RPS6KA2: variants seen among roughly 807,000 people sequenced by gnomAD.
The protein encoded by RPS6KA2 is ribosomal protein S6 kinase A2, also known as ribosomal protein S6 kinase alpha-2.
A neutral mutation model predicts 91.8 loss-of-function variants in RPS6KA2; 42 were observed. The observed-to-expected ratio is 0.46, with a 90% CI of 0.36 to 0.59. The LOEUF (loss-of-function observed/expected upper bound fraction) is 0.59, where lower values mean the gene tolerates loss of function less well. Among genes scored for constraint, RPS6KA2 ranks in the 20% least tolerant of loss-of-function variants. The pLI is 0.00. For synonymous variants in RPS6KA2, 414 were observed against 393.6 expected (o/e 1.05, Z -0.61); for missense variants, 798 against 978.5 (o/e 0.82, Z 2.46).
At chr6:166,748,279 C>T (rs927014112) in intron 2 of RPS6KA2, among the ~76,000 whole-genome samples, 1 of 152,110 alleles carries the variant, frequency 6.6e-6, no homozygotes, top group African/African-American at 2.4e-5. Context: ...GCTTCCGGCT[C>T]CATGCTCCCA....
intron 1 of RPS6KA2, among the ~76,000 whole-genome samples, chr6:166,611,391 C>T (rs535665450): frequency 6.6e-6 from 1 of 152,240 alleles, no homozygotes; most frequent in Non-Finnish European, 1.5e-5. Flanking sequence ...TGTTCCATCT[C>T]AGTCACCCAC....
At chr6:166,623,356 C>T (rs1336588989) in intron 1 of RPS6KA2, among the ~76,000 whole-genome samples, 5 of 152,168 alleles carry the variant, frequency 3.3e-5, no homozygotes, top group South Asian at 4.1e-4. Context: ...GCTCTACTGG[C>T]GTGTGGAAAG....
chr6:166,534,712 T>C (rs1340141508), intron 2 of RPS6KA2, among the ~76,000 whole-genome samples: 3 of 152,238 alleles, frequency 2.0e-5, no homozygotes, highest in African/African-American at 4.8e-5. Context: ...CTAATGTTCA[T>C]ACTTATCTGT....
intron 1 of RPS6KA2, among the ~76,000 whole-genome samples, chr6:166,550,990 ATC>A (rs1414874656): frequency 6.9e-5 from 8 of 116,124 alleles, no homozygotes; most frequent in Middle Eastern, 3.8e-3. Context: ...GCCGGACTCT[ATC>A]TCAAAAAAAA....
At chr6:166,674,817 T>C (rs1445994306) in intron 2 of RPS6KA2, among the ~76,000 whole-genome samples, 1 of 152,130 alleles carries the variant, frequency 6.6e-6, no homozygotes, top group Non-Finnish European at 1.5e-5. Context: ...TACAGGCCCC[T>C]GCCACCACGC....
upstream of RPS6KA2, among the ~76,000 whole-genome samples, chr6:166,628,481 GTTGCGTTAATAC>G (rs1413157693): frequency 1.3e-5 from 2 of 152,258 alleles, no homozygotes; most frequent in African/African-American, 4.8e-5. Context: ...CTAGTCAGAT[GTTGCGTTAATAC>G]TTGTGTAGTC....
intron 10 of RPS6KA2, among the ~76,000 whole-genome samples, chr6:166,473,829 A>G (rs1780859774): frequency 1.3e-5 from 2 of 151,944 alleles, no homozygotes; most frequent in African/African-American, 2.4e-5. Flanking sequence ...CCAGCCCACC[A>G]TGTCCAGCCT....
chr6:166,588,339 G>C (rs1024054857), intron 1 of RPS6KA2, among the ~76,000 whole-genome samples: 5 of 151,650 alleles, frequency 3.3e-5, no homozygotes, highest in African/African-American at 1.2e-4. Context: ...TTCCAGGTGG[G>C]GCCAGCGAGT....
intron 1 of RPS6KA2, among the ~76,000 whole-genome samples, chr6:166,615,384 G>A (rs1031097059): frequency 7.2e-5 from 11 of 152,328 alleles, no homozygotes; most frequent in South Asian, 2.1e-4. Flanking sequence ...AAAAGGAAAC[G>A]TAGAGGAAGA....
At chr6:166,558,182 C>T (rs1325860094) in intron 1 of RPS6KA2, among the ~76,000 whole-genome samples, 3 of 151,546 alleles carry the variant, frequency 2.0e-5, no homozygotes, top group Non-Finnish European at 2.9e-5. Context: ...ATGAATCAGC[C>T]CCCACACATA....
chr6:166,665,696 G>A lies in RPS6KA2; in HGVS notation c.124-126912C>T, dbSNP rs574784589. ...GAAGGTCTCCCAGCAAGCTGCAGGC[G>A]GCCCTGACCAAGCTTAGGTCCCATG... On this transcript the variant is annotated intron_variant, in intron 2 of 21. Coordinates refer to the RPS6KA2 transcript ENST00000503859. The surrounding 1 kb of genome is among the most constrained non-coding windows in gnomAD (Gnocchi z 4.5). Among the ~76,000 whole-genome samples the A allele has an allele frequency of 6.9e-4, 105 of 152,288 alleles. No individual in the cohort carries two copies. The highest frequency in any genetic ancestry group is 4.2e-4 in the South Asian group (2 of 4,816).
intron 2 of RPS6KA2, among the ~76,000 whole-genome samples, chr6:166,824,280 G>T (rs745875934): frequency 5.3e-5 from 8 of 152,180 alleles, no homozygotes; most frequent in Non-Finnish European, 8.8e-5. Flanking sequence ...TAGAGATGTG[G>T]TATGGACCAA....
intron 1 of RPS6KA2, among the ~76,000 whole-genome samples, chr6:166,580,768 T>C (rs1369588644): frequency 4.0e-5 from 6 of 151,156 alleles, no homozygotes; most frequent in Non-Finnish European, 5.9e-5. Flanking sequence ...CCAGACCCGA[T>C]TGGACACGGA....
At chr6:166,625,335 C>G (rs1035950043) in intron 1 of RPS6KA2, among the ~76,000 whole-genome samples, 4 of 107,394 alleles carry the variant, frequency 3.7e-5, no homozygotes, top group East Asian at 3.5e-4. Context: ...CCCCCCACCC[C>G]CCCCCCCGCT....
intron 2 of RPS6KA2, among the ~76,000 whole-genome samples, chr6:166,643,386 T>C (rs1466526297): frequency 6.6e-6 from 1 of 152,086 alleles, no homozygotes; most frequent in East Asian, 1.9e-4. Flanking sequence ...ATAATGGAAA[T>C]AGATACATCA....
chr6:166,505,337 G>A (rs546204134), intron 5 of RPS6KA2, among the ~76,000 whole-genome samples: 4 of 152,254 alleles, frequency 2.6e-5, no homozygotes, highest in Admixed American at 1.3e-4. Flanking sequence ...CAGGCCAGCC[G>A]AAACATGCAT....
intron 1 of RPS6KA2, among the ~76,000 whole-genome samples, chr6:166,570,958 C>T (rs894754313): frequency 2.6e-5 from 4 of 152,132 alleles, no homozygotes; most frequent in Non-Finnish European, 5.9e-5. Flanking sequence ...TTAAAAATGG[C>T]AAACTTTTTC....
At chr6:166,817,581 A>G (rs113852485) in intron 2 of RPS6KA2, among the ~76,000 whole-genome samples, 2,717 of 152,324 alleles carry the variant, frequency 0.018, 89 homozygotes, top group African/African-American at 0.062. Flanking sequence ...AAAAATCCAC[A>G]GAAAGGTTGA....
chr6:166,622,083 T>C (rs1391047973), intron 1 of RPS6KA2, among the ~76,000 whole-genome samples: 2 of 152,192 alleles, frequency 1.3e-5, no homozygotes, highest in Admixed American at 1.3e-4. Context: ...TCTGAATGCA[T>C]GAAAAATAGT....
Sources: gnomAD v4.1 joint callset for allele counts (sites outside exome capture counted in the v4.1 genomes callset) on GRCh38, gnomAD v4.1.1 for gene constraint, Gnocchi (gnomAD v3.1) non-coding constraint, MANE v1.5 for transcripts, NCBI Gene and HGNC (gene_info 2026-07-23, HGNC 2026-07-21) for gene names.